Variants in CADM2 observed in about 807,000 individuals in gnomAD.
CADM2 encodes the protein cell adhesion molecule 2, also known as immunoglobulin superfamily member 4D.
CADM2 carries 12 observed loss-of-function variants against 49.8 expected under a neutral mutation model. That is an observed-to-expected ratio of 0.24 (90% CI 0.15 to 0.39). The LOEUF is 0.39. Among genes scored for constraint, CADM2 ranks in the 10% least tolerant of loss-of-function variants. The pLI is 1.00. For missense variants in CADM2, 378 were observed against 492.3 expected (o/e 0.77, Z 2.20); for synonymous variants, 214 against 175.4 (o/e 1.22, Z -1.74).
chr3:85,504,853 G>C (rs2040261247), intron 1 of CADM2, among the ~76,000 whole-genome samples: 1 of 152,184 alleles, frequency 6.6e-6, no homozygotes, highest in Non-Finnish European at 1.5e-5. Context: ...GCGAGAAATA[G>C]AGCGCAGCGC....
At chr3:85,104,445 C>A (rs2038133706) in intron 1 of CADM2, among the ~76,000 whole-genome samples, 1 of 152,110 alleles carries the variant, frequency 6.6e-6, no homozygotes, top group Non-Finnish European at 1.5e-5. Context: ...GTTTTGGTAC[C>A]AGTACCATGC....
chr3:85,179,951 C>T (rs543122832), intron 1 of CADM2, among the ~76,000 whole-genome samples: 11 of 151,890 alleles, frequency 7.2e-5, no homozygotes, highest in African/African-American at 2.2e-4. Flanking sequence ...TTACTAAGCA[C>T]GTATTATATG....
chr3:85,070,848 G>T (rs1372924022), intron 1 of CADM2, among the ~76,000 whole-genome samples: 3 of 151,942 alleles, frequency 2.0e-5, no homozygotes, highest in Non-Finnish European at 4.4e-5. Context: ...AAATAGCTGG[G>T]CTGGGTGGTG....
chr3:85,096,347 T>C (rs1182957662), intron 1 of CADM2, among the ~76,000 whole-genome samples: 1 of 151,790 alleles, frequency 6.6e-6, no homozygotes, highest in Non-Finnish European at 1.5e-5. Context: ...GGTAAATGGG[T>C]TGATATAGAT....
At chr3:86,027,455 T>A (rs1231869222) in intron 8 of CADM2, among the ~76,000 whole-genome samples, 1 of 152,150 alleles carries the variant, frequency 6.6e-6, no homozygotes, top group Non-Finnish European at 1.5e-5. Context: ...CATAAATCAT[T>A]TTAGGACACA....
intron 1 of CADM2, among the ~76,000 whole-genome samples, chr3:85,714,333 T>A (rs12714634): frequency 0.036 from 5,417 of 152,316 alleles, 140 homozygotes; most frequent in Non-Finnish European, 0.05. Flanking sequence ...GAGTTTCACA[T>A]CACTCTCTAC....
intron 8 of CADM2, among the ~76,000 whole-genome samples, chr3:86,029,891 T>C (rs886978824): frequency 2.6e-5 from 4 of 151,994 alleles, no homozygotes; most frequent in Admixed American, 1.3e-4. Flanking sequence ...GATAAAATTG[T>C]CAAAGGGATG....
intron 1 of CADM2, among the ~76,000 whole-genome samples, chr3:85,303,975 A>G (rs1368719954): frequency 6.6e-6 from 1 of 151,898 alleles, no homozygotes; most frequent in African/African-American, 2.4e-5. Context: ...GGAGGATTCA[A>G]TCCTAGCACC....
intron 7 of CADM2, among the ~76,000 whole-genome samples, chr3:85,936,981 C>A (rs1721251417): frequency 6.6e-6 from 1 of 151,778 alleles, no homozygotes; most frequent in Non-Finnish European, 1.5e-5. Flanking sequence ...ACAATTTATG[C>A]AATTAAACAA....
At chr3:85,318,979 A>C (rs1482930463) in intron 1 of CADM2, among the ~76,000 whole-genome samples, 1 of 152,284 alleles carries the variant, frequency 6.6e-6, no homozygotes, top group Non-Finnish European at 1.5e-5. Flanking sequence ...TAAATTGTGA[A>C]TTTTTCAGAT....
At chr3:85,749,242 T>A (rs1374515487) in intron 2 of CADM2, among the ~76,000 whole-genome samples, 13 of 151,994 alleles carry the variant, frequency 8.6e-5, no homozygotes, top group Admixed American at 8.5e-4. Context: ...CCCCAATTTG[T>A]TACTAATTAC....
intron 3 of CADM2, among the ~76,000 whole-genome samples, chr3:85,849,577 A>G (rs577968476): frequency 1.3e-5 from 2 of 152,338 alleles, no homozygotes; most frequent in African/African-American, 4.8e-5. Context: ...ATTTTATTAG[A>G]AATAAACTGT....
rs879891042 is a variant in CADM2 at position 85,255,542 on chromosome 3, T to TA, written c.61+295884dup. On this transcript the variant is annotated intron_variant, in intron 1 of 9. Transcript: ENST00000383699. The stretch of plus-strand genomic sequence containing the variant: ...CTCTTCAAACCCATTCCCTTTTCTG[T>TA]AAAAAAAAAAGTGATAATTAAAGTA... Among the ~76,000 whole-genome samples the TA allele has an allele frequency of 7.3e-3, 1,072 of 146,602 alleles. 10 individuals are homozygous for TA. The highest frequency in any genetic ancestry group is 0.023 in the African/African-American group (930 of 40,180).
At chr3:85,016,856 G>C (rs1206522761) in intron 1 of CADM2, among the ~76,000 whole-genome samples, 1 of 151,886 alleles carries the variant, frequency 6.6e-6, no homozygotes, top group African/African-American at 2.4e-5. Context: ...TACAGCCAAA[G>C]ACCACAATTT....
At chr3:85,083,972 G>A (rs1284033822) in intron 1 of CADM2, among the ~76,000 whole-genome samples, 1 of 152,078 alleles carries the variant, frequency 6.6e-6, no homozygotes, top group Admixed American at 6.6e-5. Context: ...TACTTTTACT[G>A]ATATACTGAC....
At chr3:85,793,097 A>G (rs370288139) in intron 2 of CADM2, among the ~76,000 whole-genome samples, 1 of 152,126 alleles carries the variant, frequency 6.6e-6, no homozygotes, top group East Asian at 1.9e-4. Flanking sequence ...AAAAGGTTTG[A>G]CCATTCTTTC....
chr3:86,055,003 G>T (rs138692913), intron 8 of CADM2, among the ~76,000 whole-genome samples: 2 of 152,056 alleles, frequency 1.3e-5, no homozygotes, highest in African/African-American at 4.8e-5. Flanking sequence ...AGCTCCAAGA[G>T]AGAAAGACAG....
chr3:85,500,892 G>T (rs534607050), intron 1 of CADM2, among the ~76,000 whole-genome samples: 1 of 149,590 alleles, frequency 6.7e-6, no homozygotes, highest in Non-Finnish European at 1.5e-5. Context: ...AATTTCTCAA[G>T]GTCTTGATTT....
At chr3:85,064,247 T>A (rs2036441485) in intron 1 of CADM2, among the ~76,000 whole-genome samples, 1 of 152,076 alleles carries the variant, frequency 6.6e-6, no homozygotes, top group African/African-American at 2.4e-5. Flanking sequence ...GTACTTTGTT[T>A]CCTACCAATG....
Sources: allele counts gnomAD v4.1 joint callset (sites outside exome capture counted in the v4.1 genomes callset), GRCh38; gene constraint gnomAD v4.1.1; transcripts MANE v1.5; gene names NCBI Gene and HGNC (gene_info 2026-07-23, HGNC 2026-07-21).